BLTP3B: variants seen among roughly 807,000 people sequenced by gnomAD.
The protein encoded by BLTP3B is bridge-like lipid transfer protein family member 3B, also known as UHRF1 (ICBP90) binding protein 1-like.
the BLTP3B span, among the ~76,000 whole-genome samples, chr12:100,076,420 G>A: frequency 7.8e-6 from 1 of 127,726 alleles, no homozygotes; most frequent in South Asian, 2.4e-4. Flanking sequence ...TGAGATAAGA[G>A]TCTCACTCTG....
At chr12:100,061,656 C>CAA in the BLTP3B span, among the ~76,000 whole-genome samples, 259 of 67,114 alleles carry the variant, frequency 3.9e-3, 4 homozygotes, top group African/African-American at 0.011. Context: ...GACTCCGTCT[C>CAA]AAAAAAAAAA....
chr12:100,137,496 G>T, the BLTP3B span, among the ~76,000 whole-genome samples: 1 of 151,882 alleles, frequency 6.6e-6, no homozygotes, highest in Non-Finnish European at 1.5e-5. Flanking sequence ...TTTTGTATTT[G>T]GGGTAGAGAC....
At chr12:100,070,289 A>AT in the BLTP3B span, 3 of 1,121,946 alleles carry the variant, frequency 2.7e-6, no homozygotes, top group South Asian at 2.1e-5. Context: ...TTAATTAATT[A>AT]ATTTTTTTTT....
the BLTP3B span, chr12:100,070,094 T>C: frequency 6.8e-7 from 1 of 1,474,142 alleles, no homozygotes. Context: ...AACTGTGCCA[T>C]TTTACTCCCT....
chr12:100,119,164 G>C, the BLTP3B span, among the ~76,000 whole-genome samples: 78 of 152,046 alleles, frequency 5.1e-4, no homozygotes, highest in South Asian at 0.016. Flanking sequence ...GCAACAATCA[G>C]AAACTGAATA....
chr12:100,123,762 T>TA, the BLTP3B span, among the ~76,000 whole-genome samples: 4 of 152,038 alleles, frequency 2.6e-5, no homozygotes, highest in African/African-American at 9.7e-5. Flanking sequence ...TTTTTTTTTT[T>TA]AAATGCATTC....
the BLTP3B span, among the ~76,000 whole-genome samples, chr12:100,083,554 G>A: frequency 1.3e-5 from 2 of 152,224 alleles, no homozygotes; most frequent in East Asian, 3.9e-4. Context: ...CAAATAGCTA[G>A]TAAGAGCAGA....
the BLTP3B span, chr12:100,128,772 G>A: frequency 8.1e-7 from 1 of 1,237,668 alleles, no homozygotes; most frequent in Non-Finnish European, 1.0e-6. Context: ...GCAAGTTTAA[G>A]GGAAGGAAGA....
the BLTP3B span, among the ~76,000 whole-genome samples, chr12:100,049,963 C>T: frequency 1.3e-5 from 2 of 152,114 alleles, no homozygotes; most frequent in Non-Finnish European, 2.9e-5. Context: ...CTCTCTACTA[C>T]CCCTTATACC....
At chr12:100,079,781 C>T in the BLTP3B span, among the ~76,000 whole-genome samples, 1 of 152,170 alleles carries the variant, frequency 6.6e-6, no homozygotes, top group African/African-American at 2.4e-5. Flanking sequence ...GGCCCAGAGG[C>T]CTAGAAGGAA....
chr12:100,119,497 G>A, the BLTP3B span, among the ~76,000 whole-genome samples: 2 of 151,996 alleles, frequency 1.3e-5, no homozygotes, highest in African/African-American at 4.8e-5. Flanking sequence ...AAATAACTCT[G>A]AAAAAGATGA....
chr12:100,047,750 G>C, the BLTP3B span: 10 of 1,058,564 alleles, frequency 9.4e-6, no homozygotes, highest in African/African-American at 1.7e-5. Context: ...CGAGAAAACT[G>C]CCTGTTATAT....
At chr12:100,056,801 C>T in the BLTP3B span, among the ~76,000 whole-genome samples, 2 of 150,930 alleles carry the variant, frequency 1.3e-5, no homozygotes, top group Non-Finnish European at 2.9e-5. Flanking sequence ...CACAATACTG[C>T]ACTCCAGCCT....
chr12:100,057,772 A>T, the BLTP3B span: 859 of 1,557,012 alleles, frequency 5.5e-4, 2 homozygotes, highest in African/African-American at 0.011. Context: ...TTAGAAAATT[A>T]TTACATATAG....
chr12:100,130,684 G>A, the BLTP3B span, among the ~76,000 whole-genome samples: 1 of 152,172 alleles, frequency 6.6e-6, no homozygotes, highest in Non-Finnish European at 1.5e-5. Context: ...GGGAGGCCAA[G>A]GCAGGCGGAT....
chr12:100,055,307 A>AC, the BLTP3B span, among the ~76,000 whole-genome samples: 56 of 152,294 alleles, frequency 3.7e-4, no homozygotes, highest in African/African-American at 1.3e-3. Context: ...AACAGTTCCT[A>AC]CCTCAATTTA....
At chr12:100,119,717 T>C in the BLTP3B span, among the ~76,000 whole-genome samples, 2 of 152,072 alleles carry the variant, frequency 1.3e-5, no homozygotes, top group African/African-American at 2.4e-5. Flanking sequence ...GGTACCAGAA[T>C]GATGTTACAG....
the BLTP3B span, among the ~76,000 whole-genome samples, chr12:100,113,908 T>TTAAAA: frequency 6.6e-6 from 1 of 152,212 alleles, no homozygotes; most frequent in African/African-American, 2.4e-5. Context: ...ATTAATAAAC[T>TTAAAA]TAAAAAGTAG....
chr12:100,073,980 C>T, the BLTP3B span, among the ~76,000 whole-genome samples: 2 of 152,154 alleles, frequency 1.3e-5, no homozygotes, highest in African/African-American at 4.8e-5. Context: ...TGCCCCCTCT[C>T]ACAACTCCTA....
Sources: gnomAD v4.1 joint callset for allele counts (sites outside exome capture counted in the v4.1 genomes callset) on GRCh38, gnomAD v4.1.1 for gene constraint, MANE v1.5 for transcripts, NCBI Gene and HGNC (gene_info 2026-07-23, HGNC 2026-07-21) for gene names.